SRGAP2B: variants seen among roughly 807,000 people sequenced by gnomAD.
SRGAP2B encodes SLIT-ROBO Rho GTPase activating protein 2B.
SRGAP2B carries 9 observed loss-of-function variants against 22.2 expected under a neutral mutation model. The observed-to-expected ratio is 0.41, with a 90% CI of 0.24 to 0.71. The LOEUF (loss-of-function observed/expected upper bound fraction) is 0.71. Ranked by LOEUF, SRGAP2B falls within the 30% of genes least tolerant of loss-of-function variation. The pLI, the probability that SRGAP2B is intolerant of heterozygous loss-of-function variation, is 0.35. For missense variants in SRGAP2B, 114 were observed against 235.8 expected, an observed-to-expected ratio of 0.48 and a Z score of 3.38; for synonymous variants, 36 against 87.4, an observed-to-expected ratio of 0.41 and a Z score of 3.28.
At chr1:144,927,274 C>T (rs1664806255) in intron 4 of SRGAP2B, among the ~76,000 whole-genome samples, 1 of 149,618 alleles carries the variant, frequency 6.7e-6, no homozygotes, top group African/African-American at 2.5e-5. Flanking sequence ...TATATAGTTG[C>T]TGTTGCTCCT....
chr1:145,040,568 T>C (rs1444489691), intron 2 of SRGAP2B, among the ~76,000 whole-genome samples: 9 of 150,250 alleles, frequency 6.0e-5, no homozygotes, highest in Admixed American at 4.6e-4. Context: ...AAAATAGCCA[T>C]GGACGATATA....
chr1:144,993,200 G>T (rs1485488866), intron 3 of SRGAP2B, among the ~76,000 whole-genome samples: 3 of 151,112 alleles, frequency 2.0e-5, no homozygotes, highest in African/African-American at 7.4e-5. Context: ...ACCTGTTTGA[G>T]GCTTTCCAGA....
rs1222392834 is a variant in SRGAP2B, at chr1:144,964,903, T to C, written c.261-9302A>G. On this transcript the variant is annotated intron_variant, in intron 3 of 9. Coordinates refer to ENST00000612199, the Ensembl canonical transcript of SRGAP2B. ...CTGTAAATGACCAGCCTGGGTAACA[T>C]AGGACCTGTCTCTTAAAAAATAAAT... The C allele has an allele frequency of 3.7e-5, 24 of 656,046 alleles. 1 individual carries two copies. Among genetic ancestry groups the C allele is most frequent in the African/African-American group, 2.2e-4 (12 of 53,470 alleles). 40.6% of individuals were successfully genotyped at this position (656,046 alleles called of 1,614,324 possible). A position where few individuals can be genotyped will look rare whatever the true frequency, so the allele number is the denominator to read the frequency against.
Position 144,916,196 on chromosome 1 carries a change from GTGT to G in SRGAP2B, c.424-1445_424-1443del, listed in dbSNP as rs1449918696. Among the ~76,000 whole-genome samples, 104 of 146,194 alleles carry G rather than the reference GTGT, an allele frequency of 7.1e-4. 6 individuals are homozygous for G. Among genetic ancestry groups the G allele is most frequent in the African/African-American group, 2.6e-3 (99 of 38,192 alleles). On this transcript the variant is annotated intron_variant, in intron 4 of 9. Transcript: ENST00000612199. Reference sequence around the variant, plus strand: ...TACCACTAAGAAATCACCACTCTAAGTGTTGTTATGTATTTTTCTAATCTTTTC... The same window carrying G: ...TACCACTAAGAAATCACCACTCTAAGTGTTATGTATTTTTCTAATCTTTTC...
intron 3 of SRGAP2B, among the ~76,000 whole-genome samples, chr1:144,988,997 C>T (rs2319647): frequency 4.3e-5 from 5 of 115,512 alleles, no homozygotes; most frequent in Admixed American, 1.0e-4. Context: ...CCACTCCCCC[C>T]ACTTTTTTTT....
chr1:145,093,713 C>CGGCA (rs1430265619), intron 1 of SRGAP2B, among the ~76,000 whole-genome samples: 1 of 148,868 alleles, frequency 6.7e-6, no homozygotes, highest in African/African-American at 2.6e-5. Flanking sequence ...GCGGGGAATG[C>CGGCA]GGCACCTCGG....
intron 2 of SRGAP2B, among the ~76,000 whole-genome samples, chr1:145,009,714 TA>T (rs1274212638): frequency 5.7e-5 from 8 of 141,474 alleles, no homozygotes; most frequent in African/African-American, 2.2e-4. Flanking sequence ...AAAAAGTTTT[TA>T]AATATCTAAT....
chr1:144,932,449 G>A (rs1193097993), intron 4 of SRGAP2B, among the ~76,000 whole-genome samples: 1 of 151,070 alleles, frequency 6.6e-6, no homozygotes, highest in African/African-American at 2.5e-5. Flanking sequence ...CTGGCATTAG[G>A]GCTTTGCAGC....
chr1:144,988,808 T>C (rs1324676121), intron 3 of SRGAP2B, among the ~76,000 whole-genome samples: 2 of 147,860 alleles, frequency 1.4e-5, no homozygotes, highest in Admixed American at 6.7e-5. Context: ...AGGATCACCA[T>C]TCAAAACAGA....
intron 2 of SRGAP2B, among the ~76,000 whole-genome samples, chr1:145,009,156 G>A (rs1395301504): frequency 2.2e-5 from 3 of 134,570 alleles, no homozygotes; most frequent in Admixed American, 7.3e-5. Flanking sequence ...CAGCCTGGGC[G>A]ACAGAGCGAG....
intron 2 of SRGAP2B, among the ~76,000 whole-genome samples, chr1:145,070,862 TA>T (rs1652047547): frequency 1.3e-5 from 1 of 78,672 alleles, no homozygotes; most frequent in Non-Finnish European, 2.3e-5. Flanking sequence ...TCCACTAGTG[TA>T]AAACTGAATA....
At chr1:145,076,455 G>A (rs1333700236) in intron 2 of SRGAP2B, among the ~76,000 whole-genome samples, 2 of 149,884 alleles carry the variant, frequency 1.3e-5, no homozygotes, top group Non-Finnish European at 3.0e-5. Context: ...TCATACCATA[G>A]AATACTGCTC....
rs1162642579 is a variant in SRGAP2B, at chr1:144,990,748, CG to C, written c.260+4259del. Among the ~76,000 whole-genome samples the C allele has an allele frequency of 1.3e-5, 2 of 151,172 alleles. 1 individual carries two copies. The highest frequency in any genetic ancestry group is 2.9e-5 in the Non-Finnish European group (2 of 67,990). ...TGGTGGGCCCCGCACTCGGAGCAGC[CG>C]GCCAGCCCTGCTGGCCCCGGGCAAT... is the stretch of plus-strand genomic sequence containing the variant. On this transcript the variant is annotated intron_variant, in intron 3 of 9. Coordinates refer to ENST00000612199, the Ensembl canonical transcript of SRGAP2B.
chr1:144,924,211 T>TA (rs202214046), intron 4 of SRGAP2B, among the ~76,000 whole-genome samples: 1,495 of 148,402 alleles, frequency 0.01, 72 homozygotes, highest in African/African-American at 0.036. Flanking sequence ...CCATTCCCAT[T>TA]AGTCATGGCC....
intron 4 of SRGAP2B, among the ~76,000 whole-genome samples, chr1:144,930,736 G>A (rs1665109781): frequency 1.3e-5 from 2 of 149,076 alleles, no homozygotes; most frequent in Non-Finnish European, 3.0e-5. Flanking sequence ...TTTCCAATAA[G>A]TGGCCATACG....
At chr1:145,016,871 C>T (rs1672460392) in intron 2 of SRGAP2B, among the ~76,000 whole-genome samples, 5 of 146,536 alleles carry the variant, frequency 3.4e-5, no homozygotes, top group Admixed American at 6.8e-5. Context: ...TTTTTTGAGA[C>T]GGAGTCTCAC....
intron 3 of SRGAP2B, among the ~76,000 whole-genome samples, chr1:144,980,021 A>T (rs1669202919): frequency 6.6e-6 from 1 of 150,530 alleles, no homozygotes; most frequent in South Asian, 2.1e-4. Flanking sequence ...ACCGGAGAAA[A>T]CAGGAGCAAG....
intron 3 of SRGAP2B, among the ~76,000 whole-genome samples, chr1:144,980,546 A>G (rs1159853077): frequency 8.6e-5 from 13 of 151,918 alleles, no homozygotes; most frequent in African/African-American, 2.9e-4. Flanking sequence ...TGTTCGATTC[A>G]TTTTCTAATC....
At chr1:144,974,057 T>G (rs1553613803) in intron 3 of SRGAP2B, among the ~76,000 whole-genome samples, 1 of 151,044 alleles carries the variant, frequency 6.6e-6, no homozygotes, top group East Asian at 1.9e-4. Flanking sequence ...TGGAAGATTT[T>G]AAAAGGGTAT....
Sources: gnomAD v4.1 joint callset for allele counts (sites outside exome capture counted in the v4.1 genomes callset) on GRCh38, gnomAD v4.1.1 for gene constraint, MANE v1.5 for transcripts, NCBI Gene and HGNC (gene_info 2026-07-23, HGNC 2026-07-21) for gene names.